The following ZNF385D variants were observed in gnomAD, a reference collection of about 807,000 sequenced individuals.
The protein encoded by ZNF385D is zinc finger protein 385D.
In ZNF385D, 15 loss-of-function variants were observed where a neutral mutation model predicts 35.8. The ratio of observed to expected loss-of-function variants is 0.42; its 90% CI spans 0.28 to 0.64. The LOEUF is 0.64. ZNF385D is among the 30% of genes least tolerant of loss of function. The pLI, the probability that ZNF385D is intolerant of heterozygous loss-of-function variation, is 0.23. For synonymous variants in ZNF385D, 212 were observed against 186.8 expected (o/e 1.13, Z -1.10); for missense variants, 474 against 494.6 (o/e 0.96, Z 0.39).
At chr3:21,823,425 T>C (rs1694400620) in intron 3 of ZNF385D, among the ~76,000 whole-genome samples, 1 of 140,934 alleles carries the variant, frequency 7.1e-6, no homozygotes, top group Non-Finnish European at 1.6e-5. Context: ...TGTATGCCTG[T>C]AAGCCCCCCA....
chr3:22,347,647 A>C lies in ZNF385D; in HGVS notation c.106+24803T>G, dbSNP rs541833302. Among the ~76,000 whole-genome samples, 3 of 152,300 alleles carry C rather than the reference A, an allele frequency of 2.0e-5. No homozygotes were observed. The East Asian group carries it at 5.8e-4, about 29-fold the overall frequency. ...TAGCGTTGTTAGAAAGGTTAAGATA[A>C]ACTGTTGCTAAGATTTAAAAATGAT... On this transcript the variant is annotated intron_variant, in intron 2 of 5. Coordinates refer to the ZNF385D transcript ENST00000494108.
At chr3:21,770,351 C>A (rs184697075) in intron 3 of ZNF385D, among the ~76,000 whole-genome samples, 1 of 152,152 alleles carries the variant, frequency 6.6e-6, no homozygotes, top group East Asian at 1.9e-4. Context: ...TGACAAAGGG[C>A]TAATATCCAG....
At chr3:22,357,094 G>C (rs559379236) in intron 2 of ZNF385D, among the ~76,000 whole-genome samples, 2 of 152,004 alleles carry the variant, frequency 1.3e-5, no homozygotes, top group Non-Finnish European at 2.9e-5. Flanking sequence ...TTATCAAGAA[G>C]TTCACATACA....
intron 3 of ZNF385D, among the ~76,000 whole-genome samples, chr3:21,759,715 C>A (rs2070514848): frequency 6.6e-6 from 1 of 152,024 alleles, no homozygotes; most frequent in African/African-American, 2.4e-5. Flanking sequence ...GACCCAGAGA[C>A]CCACCTCAAA....
chr3:21,910,469 G>T (rs1206599672), intron 3 of ZNF385D, among the ~76,000 whole-genome samples: 1 of 151,862 alleles, frequency 6.6e-6, no homozygotes, highest in Non-Finnish European at 1.5e-5. Context: ...TTTGCTTTCT[G>T]CTAAAACTAC....
In ZNF385D at chr3:21,751,173, C is replaced by T; in HGVS notation, c.-257G>A. 1 of 1,402,220 alleles carries T rather than the reference C, an allele frequency of 7.1e-7. No homozygotes were observed. The highest frequency in any genetic ancestry group is 9.3e-7 in the Non-Finnish European group (1 of 1,078,684). The allele number at this position is 1,402,220 out of a possible 1,614,324, so 86.9% of individuals were successfully genotyped here. ...CCATCCTTACTGTAATCCGACTCCTCCTTGCGATGTCCTTGCCGCGCCTGT... is the reference window on the plus strand; with the variant it reads ...CCATCCTTACTGTAATCCGACTCCTTCTTGCGATGTCCTTGCCGCGCCTGT... On this transcript the variant is annotated 5_prime_UTR_variant, in exon 1 of 8. Coordinates refer to ENST00000281523, the MANE Select transcript of ZNF385D (RefSeq NM_024697.3).
intron 3 of ZNF385D, among the ~76,000 whole-genome samples, chr3:21,894,417 A>G (rs1213206106): frequency 2.0e-5 from 3 of 152,184 alleles, no homozygotes; most frequent in Non-Finnish European, 4.4e-5. Context: ...TTTGAAGCCA[A>G]AAACATCCCT....
chr3:21,581,593 A>G (rs541907137), intron 2 of ZNF385D, among the ~76,000 whole-genome samples: 35 of 152,328 alleles, frequency 2.3e-4, no homozygotes, highest in African/African-American at 6.3e-4. Context: ...TCGATTGTCA[A>G]TCATTTTAAG....
chr3:22,222,129 A>G lies in ZNF385D; in HGVS notation c.107-53094T>C, dbSNP rs967152366. ...GTAGCTGGGATTACAGGCACATACC[A>G]CCACTCCCAGCTAATTTTTATATTT... On this transcript the variant is annotated intron_variant, in intron 2 of 5. Transcript: ENST00000494108. Among the ~76,000 whole-genome samples, 5 of 152,004 alleles carry G rather than the reference A, an allele frequency of 3.3e-5. No individual in the cohort carries two copies. The East Asian group carries it at 9.7e-4, about 29-fold the overall frequency.
At chr3:21,843,355 G>C (rs1264215694) in intron 3 of ZNF385D, among the ~76,000 whole-genome samples, 1 of 151,948 alleles carries the variant, frequency 6.6e-6, no homozygotes, top group East Asian at 1.9e-4. Context: ...TGTGACATTA[G>C]TGGACCAGGG....
chr3:22,280,299 T>C (rs112255915), intron 2 of ZNF385D, among the ~76,000 whole-genome samples: 3 of 152,116 alleles, frequency 2.0e-5, no homozygotes, highest in Admixed American at 6.6e-5. Flanking sequence ...CTATTTGTAT[T>C]TGTTTTGTTG....
intron 2 of ZNF385D, among the ~76,000 whole-genome samples, chr3:22,361,115 C>T (rs931917383): frequency 6.6e-6 from 1 of 151,966 alleles, no homozygotes; most frequent in Non-Finnish European, 1.5e-5. Context: ...AGTTAAGTTG[C>T]CAGGTTTTGA....
At chr3:22,151,200 T>TG (rs1252285299) in intron 3 of ZNF385D, among the ~76,000 whole-genome samples, 1 of 151,990 alleles carries the variant, frequency 6.6e-6, no homozygotes, top group African/African-American at 2.4e-5. Context: ...TGGAGTGCAT[T>TG]GGGGCTGGGG....
At chr3:22,300,956 A>T (rs1234605872) in intron 2 of ZNF385D, among the ~76,000 whole-genome samples, 1 of 152,080 alleles carries the variant, frequency 6.6e-6, no homozygotes, top group Admixed American at 6.6e-5. Flanking sequence ...AAGGAATTGA[A>T]ATCAGTTTGT....
At chr3:22,275,814 G>A (rs1419603834) in intron 2 of ZNF385D, among the ~76,000 whole-genome samples, 1 of 152,194 alleles carries the variant, frequency 6.6e-6, no homozygotes, top group East Asian at 1.9e-4. Context: ...GTGGAGCACA[G>A]TGGCTCACGC....
chr3:21,913,453 C>T lies in ZNF385D; in HGVS notation c.326-248425G>A, dbSNP rs147428962. 1.5e-3 allele frequency among the ~76,000 whole-genome samples: 224 copies of T among 152,166 alleles called. 3 individuals carry two copies. Among genetic ancestry groups the T allele is most frequent in the African/African-American group, 4.8e-3 (200 of 41,534 alleles). ...ATGAGTTTTGTATTACAAATTCACTCGAAAGCATTTACTGAATGACTATTA... is the reference window on the plus strand; with the variant it reads ...ATGAGTTTTGTATTACAAATTCACTTGAAAGCATTTACTGAATGACTATTA... On this transcript the variant is annotated intron_variant, in intron 3 of 5. Coordinates refer to the ZNF385D transcript ENST00000494108.
At chr3:22,364,754 T>C (rs1171059607) in intron 2 of ZNF385D, among the ~76,000 whole-genome samples, 4 of 152,022 alleles carry the variant, frequency 2.6e-5, no homozygotes, top group African/African-American at 4.8e-5. Flanking sequence ...TCCAAAAGGA[T>C]TGAAAGTAGA....
At chr3:22,294,462 CGTATATA>C in intron 2 of ZNF385D, among the ~76,000 whole-genome samples, 1 of 151,936 alleles carries the variant, frequency 6.6e-6, no homozygotes, top group African/African-American at 2.4e-5. Flanking sequence ...GCATATTTAT[CGTATATA>C]ATATATAATG....
chr3:21,612,292 G>A (rs2064706925), intron 2 of ZNF385D, among the ~76,000 whole-genome samples: 1 of 151,996 alleles, frequency 6.6e-6, no homozygotes. Flanking sequence ...TAGAGACGGG[G>A]TATCACCGTG....
Sources: gnomAD v4.1 joint callset for allele counts (sites outside exome capture counted in the v4.1 genomes callset) on GRCh38, gnomAD v4.1.1 for gene constraint, MANE v1.5 for transcripts, NCBI Gene and HGNC (gene_info 2026-07-23, HGNC 2026-07-21) for gene names.